Variants in WHR1 observed in about 807,000 individuals in gnomAD.
WHR1 encodes MHC class III HLA-RP1.
the WHR1 span, chr6:31,972,947 G>T: frequency 9.9e-7 from 1 of 1,014,726 alleles, no homozygotes. This position sits in a 1 kb window ranked among gnomAD's most constrained non-coding sequence, Gnocchi z 6.3. Context: ...AAATCATGGA[G>T]GTAGAAGAAC....
the WHR1 span, chr6:31,973,025 G>A: frequency 2.9e-6 from 2 of 692,514 alleles, no homozygotes; most frequent in Non-Finnish European, 5.3e-6. Flanking sequence ...GCAGTCAGAC[G>A]TCAGATCATG....
chr6:31,972,437 T>C, the WHR1 span: 1 of 1,613,022 alleles, frequency 6.2e-7, no homozygotes, highest in African/African-American at 1.3e-5. This position sits in a 1 kb window ranked among gnomAD's most constrained non-coding sequence, Gnocchi z 6.3. Context: ...CATCACCTGA[T>C]CCCGGAGACC....
chr6:31,974,007 G>C, the WHR1 span, among the ~76,000 whole-genome samples: 1 of 152,148 alleles, frequency 6.6e-6, no homozygotes, highest in African/African-American at 2.4e-5. Context: ...CCCAGAGGCC[G>C]GCGCGGTGGC....
the WHR1 span, chr6:31,972,255 C>T: frequency 1.9e-6 from 3 of 1,613,112 alleles, no homozygotes; most frequent in Non-Finnish European, 2.5e-6. This position sits in a 1 kb window ranked among gnomAD's most constrained non-coding sequence, Gnocchi z 6.3. Context: ...CACTGACGGG[C>T]CTGAGGGACG....
the WHR1 span, among the ~76,000 whole-genome samples, chr6:31,977,008 C>G: frequency 6.6e-6 from 1 of 152,192 alleles, no homozygotes; most frequent in African/African-American, 2.4e-5. Flanking sequence ...AGTCCAGCTT[C>G]GGCTCGGCAT....
At chr6:31,979,739 C>A in the WHR1 span, 1 of 700,798 alleles carries the variant, frequency 1.4e-6, no homozygotes, top group Non-Finnish European at 2.3e-6. Context: ...GCCTATCTTA[C>A]CTGGGCCTTA....
At chr6:31,976,215 A>G in the WHR1 span, among the ~76,000 whole-genome samples, 3 of 146,936 alleles carry the variant, frequency 2.0e-5, no homozygotes, top group East Asian at 4.2e-4. Context: ...GTGGCTGGGC[A>G]GGGGCGCCCC....
the WHR1 span, among the ~76,000 whole-genome samples, chr6:31,976,077 G>A: frequency 5.9e-4 from 86 of 146,626 alleles, no homozygotes; most frequent in Non-Finnish European, 1.2e-4. Flanking sequence ...GCGGCTGGCC[G>A]GGTGGGGGGC....
At chr6:31,976,426 C>A in the WHR1 span, among the ~76,000 whole-genome samples, 1 of 151,130 alleles carries the variant, frequency 6.6e-6, no homozygotes, top group Non-Finnish European at 1.5e-5. Flanking sequence ...CGGGCAGAGG[C>A]GCTCCTCACA....
the WHR1 span, chr6:31,972,359 G>A: frequency 6.2e-7 from 1 of 1,613,082 alleles, no homozygotes; most frequent in Non-Finnish European, 8.5e-7. This position sits in a 1 kb window ranked among gnomAD's most constrained non-coding sequence, Gnocchi z 6.3. Context: ...CCTATTTTCA[G>A]GTTCTCTTCC....
At chr6:31,972,319 A>G in the WHR1 span, 2 of 1,613,036 alleles carry the variant, frequency 1.2e-6, no homozygotes, top group Non-Finnish European at 1.7e-6. The surrounding 1 kb of genome is among the most constrained non-coding windows in gnomAD (Gnocchi z 6.3). Context: ...GCCCGGGGAG[A>G]CCGTACGTCA....
chr6:31,971,211 G>A, the WHR1 span: 1 of 1,578,056 alleles, frequency 6.3e-7, no homozygotes, highest in Non-Finnish European at 8.6e-7. The surrounding 1 kb of genome is among the most constrained non-coding windows in gnomAD (Gnocchi z 4.5). Flanking sequence ...TCCCCTCGAA[G>A]AATAGTCTTG....
the WHR1 span, among the ~76,000 whole-genome samples, chr6:31,979,202 G>A: frequency 1.6e-5 from 2 of 126,486 alleles, no homozygotes; most frequent in Non-Finnish European, 3.4e-5. Context: ...AAGAGGGGGG[G>A]AGAGGAGGGG....
the WHR1 span, among the ~76,000 whole-genome samples, chr6:31,975,810 G>A: frequency 6.6e-6 from 1 of 152,156 alleles, no homozygotes; most frequent in African/African-American, 2.4e-5. Context: ...CTCCCAGATG[G>A]GGTGGTGGCC....
the WHR1 span, chr6:31,972,629 C>T: frequency 3.1e-6 from 5 of 1,608,704 alleles, no homozygotes; most frequent in South Asian, 5.5e-5. The surrounding 1 kb of genome is among the most constrained non-coding windows in gnomAD (Gnocchi z 6.3). Flanking sequence ...AGGGTCGGCG[C>T]GCGCGGCTGT....
At chr6:31,976,935 T>TG in the WHR1 span, among the ~76,000 whole-genome samples, 1 of 152,170 alleles carries the variant, frequency 6.6e-6, no homozygotes, top group Non-Finnish European at 1.5e-5. Flanking sequence ...TCGCAGGCAC[T>TG]CGGCAGGCTG....
the WHR1 span, chr6:31,972,917 C>T: frequency 8.6e-7 from 1 of 1,161,444 alleles, no homozygotes; most frequent in Non-Finnish European, 1.2e-6. The surrounding 1 kb of genome is among the most constrained non-coding windows in gnomAD (Gnocchi z 6.3). Context: ...AAAAGTCCCG[C>T]AGGTAGTACA....
chr6:31,976,597 C>T, the WHR1 span, among the ~76,000 whole-genome samples: 15 of 149,006 alleles, frequency 1.0e-4, no homozygotes, highest in South Asian at 8.6e-4. Flanking sequence ...ACATCCCAGA[C>T]GATGGGCGGC....
the WHR1 span, chr6:31,971,801 C>T: frequency 7.5e-7 from 1 of 1,326,508 alleles, no homozygotes; most frequent in Non-Finnish European, 1.0e-6. This position sits in a 1 kb window ranked among gnomAD's most constrained non-coding sequence, Gnocchi z 4.5. Flanking sequence ...ATTCAGGCCC[C>T]TCAGACGCCA....
Sources: allele counts gnomAD v4.1 joint callset (sites outside exome capture counted in the v4.1 genomes callset), GRCh38; gene constraint gnomAD v4.1.1; non-coding constraint Gnocchi (gnomAD v3.1); transcripts MANE v1.5; gene names NCBI Gene and HGNC (gene_info 2026-07-23, HGNC 2026-07-21).